The following WDR47 variants were observed in gnomAD, a reference collection of about 807,000 sequenced individuals.
WDR47 encodes the protein WD repeat domain 47.
WDR47 carries 32 observed loss-of-function variants against 97.2 expected under a neutral mutation model. The ratio of observed to expected loss-of-function variants is 0.33; its 90% confidence interval spans 0.25 to 0.44. The LOEUF is 0.44. WDR47 is among the 20% of genes least tolerant of loss of function. WDR47 has a pLI of 1.00. For missense variants in WDR47, 782 were observed against 1,102.3 expected (o/e 0.71, Z 4.11); for synonymous variants, 375 against 373.5 (o/e 1.00, Z -0.05).
Position 108,973,815 on chromosome 1 carries a change from C to T in WDR47, c.2617+721G>A, listed in dbSNP as rs898219248. ...GAAGGATGGCTTGAACCCAGGAGGT[C>T]AAGGGTGTAGTGAGCAATAATCGTG... On this transcript the variant is annotated intron_variant, in intron 14 of 14. Transcript: ENST00000369962. 2.6e-5 allele frequency among the ~76,000 whole-genome samples: 4 copies of T among 151,598 alleles called. No homozygotes were observed. In the East Asian group the frequency reaches 7.7e-4, roughly 29 times the overall value.
At chr1:108,974,379 T>C (rs930612168) in intron 14 of WDR47, among the ~76,000 whole-genome samples, 157 bp downstream of exon 14, 6 of 152,196 alleles carry the variant, frequency 3.9e-5, no homozygotes, top group Admixed American at 1.3e-4. Flanking sequence ...ATTTAATAAT[T>C]TGCTATTATA....
intron 1 of WDR47, among the ~76,000 whole-genome samples, chr1:109,026,811 T>C (rs1271928869): frequency 1.3e-5 from 2 of 152,194 alleles, no homozygotes; most frequent in African/African-American, 4.8e-5. Context: ...TTTATGGCAA[T>C]AGTCCCACTT....
chr1:109,015,010 A>T (rs1661313171), intron 3 of WDR47, among the ~76,000 whole-genome samples: 1 of 152,188 alleles, frequency 6.6e-6, no homozygotes, highest in African/African-American at 2.4e-5. Flanking sequence ...GCCTCAAAAA[A>T]GTATGAAACC....
At chr1:108,999,425 C>T (rs1660007977) in intron 7 of WDR47, among the ~76,000 whole-genome samples, 1 of 151,176 alleles carries the variant, frequency 6.6e-6, no homozygotes. Flanking sequence ...AATTCTAGGC[C>T]CAGAATGGTG....
chr1:108,982,007 G>A, intron 12 of WDR47, 143 bp from the exon 13 acceptor site: 1 of 858,070 alleles, frequency 1.2e-6, no homozygotes, highest in East Asian at 3.0e-5. Context: ...AGGACTGCTG[G>A]AGCCCAGGAG....
Position 108,986,610 on chromosome 1 carries a change from G to A in WDR47, c.1838C>T (p.Ala613Val), listed in dbSNP as rs376679450. 5 of 1,613,626 alleles carry A rather than the reference G, an allele frequency of 3.1e-6. No homozygotes were observed. The highest frequency in any genetic ancestry group is 3.4e-6 in the Non-Finnish European group (4 of 1,179,814). Residue 613 changes from alanine to valine, a missense_variant, in exon 10 of 15, where the codon GCT becomes GTT. By Grantham distance (64) the Ala-to-Val change is moderately conservative. This residue lies in a region of WDR47 where 228 missense variants were observed against 396.7 expected (regional missense o/e 0.57). Coordinates refer to ENST00000369962, the MANE Select transcript of WDR47 (RefSeq NM_001142551.2). The part of the protein sequence containing the change: ...LEDTQAVRAV[A>V]FHPAGGLYAV... ...ATATAAACCTCCAGCTGGATGAAAA[G>A]CCACTGCTCTAACAGCTTGTGTGTC...
intron 4 of WDR47, 111 bp downstream of exon 4, chr1:109,013,730 A>C (rs1661209972): frequency 1.8e-6 from 2 of 1,095,686 alleles, no homozygotes; most frequent in South Asian, 2.8e-5. Context: ...GCCCCATCCC[A>C]GCTCATAAAA....
At chr1:108,992,513 T>C (rs1437719192) in intron 8 of WDR47, 3 of 1,520,132 alleles carry the variant, frequency 2.0e-6, no homozygotes, top group Non-Finnish European at 2.7e-6. Context: ...GCAGTGGGGC[T>C]GGACACAAGG....
intron 8 of WDR47, chr1:108,992,868 A>G (rs966810537): frequency 4.4e-6 from 5 of 1,136,758 alleles, no homozygotes; most frequent in African/African-American, 1.7e-5. Flanking sequence ...AATTAAAAGG[A>G]AAAAAAAAAG....
intron 1 of WDR47, among the ~76,000 whole-genome samples, chr1:109,024,288 C>CA (rs964304338): frequency 2.0e-5 from 3 of 151,516 alleles, no homozygotes; most frequent in Admixed American, 6.6e-5. Flanking sequence ...CACATCTGTA[C>CA]AAAAAAAATT....
At chr1:109,009,668 A>G (rs1304395577) in intron 5 of WDR47, among the ~76,000 whole-genome samples, 1 of 152,286 alleles carries the variant, frequency 6.6e-6, no homozygotes. Flanking sequence ...AGCAGATTAC[A>G]TGAAAATCTA....
At chr1:109,003,110 G>C (rs1044528956) in intron 6 of WDR47, among the ~76,000 whole-genome samples, 2 of 152,148 alleles carry the variant, frequency 1.3e-5, no homozygotes, top group African/African-American at 4.8e-5. Flanking sequence ...ACTTCAGAAG[G>C]ATACGTATTC....
intron 10 of WDR47, among the ~76,000 whole-genome samples, chr1:108,984,629 C>G (rs1416805664): frequency 1.3e-5 from 2 of 152,142 alleles, no homozygotes; most frequent in Non-Finnish European, 2.9e-5. Flanking sequence ...CCTGTAATCC[C>G]AGCACTTTGG....
In WDR47 at chr1:108,982,719, C is replaced by T; in HGVS notation, c.2156G>A (p.Gly719Asp). Residue 719 changes from glycine to aspartate, a missense_variant, in exon 12 of 15, where the codon GGC becomes GAC. Gly to Asp is a moderately conservative substitution (Grantham distance 94). Around this residue, in one of 3 missense-constraint regions of WDR47, gnomAD observed 228 missense variants for 396.7 expected, o/e 0.57. Coordinates refer to ENST00000369962, the MANE Select transcript of WDR47 (RefSeq NM_001142551.2). ...GTIRDLAFME[G>D]PESGGAILIS... ...TAAAATAGCTCCTCCGCTTTCTGGG[C>T]CTTCCATAAATGCCAAGTCTCTAAT... 6.2e-7 allele frequency: 1 copy of T among 1,613,966 alleles called. No homozygotes were observed. The highest frequency in any genetic ancestry group is 8.5e-7 in the Non-Finnish European group (1 of 1,180,014).
Position 109,018,422 on chromosome 1 carries a change from G to A in WDR47, c.159-821C>T, listed in dbSNP as rs1172477993. On this transcript the variant is annotated intron_variant, in intron 2 of 14. Transcript: ENST00000369962. ...CTGCACTCTAGCCTGGGCAACAAAA[G>A]AGAGACTCTGTCTCAAAAAAAAAAA... Among the ~76,000 whole-genome samples the A allele has an allele frequency of 2.8e-5, 4 of 143,624 alleles. No homozygotes were observed. The East Asian group carries it at 6.2e-4, about 22-fold the overall frequency. The allele number at this position is 143,624 out of a possible 152,430, so 94.2% of individuals were successfully genotyped here.
intron 1 of WDR47, among the ~76,000 whole-genome samples, chr1:109,032,495 G>GA: frequency 8.3e-6 from 1 of 120,606 alleles, no homozygotes; most frequent in Non-Finnish European, 1.7e-5. Context: ...GCGACAGAGC[G>GA]AGACTGTCTC....
chr1:109,041,427 G>C (rs1663355740), intron 1 of WDR47: 1 of 152,208 alleles, frequency 6.6e-6, no homozygotes, highest in Non-Finnish European at 1.5e-5. Context: ...GGCGTGCCCA[G>C]AAAGGGACGC....
rs937880026 is a variant in WDR47 at position 109,011,595 on chromosome 1, C to T, written c.451G>A (p.Glu151Lys). ...LTLPRLTNHA[E>K]FKDWNPSTAR... ...GTGCTGGGATTCCAGTCCTTAAACT[C>T]GGCATGATTGGTCAGACGAGGCAAA... is the stretch of plus-strand genomic sequence containing the variant. Residue 151 changes from glutamate to lysine, a missense_variant, in exon 5 of 15, where the codon GAG (glutamate) becomes AAG (lysine). By Grantham distance (56) the Glu-to-Lys change is moderately conservative. Around this residue, in one of 3 missense-constraint regions of WDR47, gnomAD observed 428 missense variants for 584.3 expected, o/e 0.73. Coordinates refer to ENST00000369962, the MANE Select transcript of WDR47 (RefSeq NM_001142551.2). 6.2e-7 allele frequency: 1 copy of T among 1,614,126 alleles called. No homozygotes were observed. Among genetic ancestry groups the T allele is most frequent in the Non-Finnish European group, 8.5e-7 (1 of 1,180,034 alleles).
rs57237933 is a variant in WDR47, at chr1:109,012,572, C to CAAAAAAAAAAAAAAAAAA, written c.328-872_328-855dup. 6.2e-3 allele frequency among the ~76,000 whole-genome samples: 459 copies of CAAAAAAAAAAAAAAAAAA among 73,792 alleles called. 21 individuals are homozygous for CAAAAAAAAAAAAAAAAAA. Among genetic ancestry groups the CAAAAAAAAAAAAAAAAAA allele is most frequent in the Non-Finnish European group, 7.1e-3 (297 of 41,786 alleles). The allele number at this position is 73,792 out of a possible 152,430, so 48.4% of individuals were successfully genotyped here. A position where few individuals can be genotyped will look rare whatever the true frequency, so the allele number is the denominator to read the frequency against. On this transcript the variant is annotated intron_variant, in intron 4 of 14. Coordinates refer to ENST00000369962, the MANE Select transcript of WDR47 (RefSeq NM_001142551.2). ...TGGGTGACAGTGTGAGACTCCATCT[C>CAAAAAAAAAAAAAAAAAA]AAAAAAAAAAAAAAAAAACAGAAAG... is the stretch of plus-strand genomic sequence containing the variant.
Sources: allele counts gnomAD v4.1 joint callset (sites outside exome capture counted in the v4.1 genomes callset), GRCh38; gene constraint gnomAD v4.1.1; regional missense constraint gnomAD v4.1.1; transcripts MANE v1.5; gene names NCBI Gene and HGNC (gene_info 2026-07-23, HGNC 2026-07-21).